Variants in SLC24A5 observed in about 807,000 individuals in gnomAD.
The protein encoded by SLC24A5 is solute carrier family 24 member 5.
SLC24A5 carries 46 observed loss-of-function variants against 51.6 expected under a neutral mutation model. That is an observed-to-expected ratio of 0.89 (90% CI 0.70 to 1.14). The LOEUF (loss-of-function observed/expected upper bound fraction) is 1.14, where lower values mean the gene tolerates loss of function less well. SLC24A5 is among the 50% of genes most tolerant of loss of function. The pLI is 0.00. For synonymous variants in SLC24A5, 230 were observed against 214.9 expected (o/e 1.07, Z -0.62); for missense variants, 581 against 604.1 (o/e 0.96, Z 0.40).
In SLC24A5 at chr15:48,139,025, T is replaced by C. The variant is rs758500889; in HGVS notation, c.928T>C (p.Leu310=). ...EADLKRIFWV[L]SLPIITLLFL... ...AGACTTAAAAAGAATTTTTTGGGTA[T>C]TATCCCTTCCTATTATTACATTACT... Residue 310 remains leucine, a synonymous_variant, in exon 7 of 9, where the codon TTA becomes CTA. Transcript: ENST00000341459. 8.7e-6 allele frequency: 14 copies of C among 1,613,156 alleles called. No homozygotes were observed. The highest frequency in any genetic ancestry group is 1.7e-4 in the Middle Eastern group (1 of 6,054).
At chr15:48,128,590 A>G (rs1323282119) in intron 2 of SLC24A5, among the ~76,000 whole-genome samples, 1 of 152,224 alleles carries the variant, frequency 6.6e-6, no homozygotes, top group African/African-American at 2.4e-5. Flanking sequence ...GATAGCCTAC[A>G]GTTTCAGGGG....
intron 7 of SLC24A5, 90 bp downstream of exon 7, chr15:48,139,265 C>A (rs1044885049): frequency 6.5e-6 from 7 of 1,083,130 alleles, no homozygotes; most frequent in Admixed American, 2.1e-5. Context: ...AGCTACACAG[C>A]AAATTTCTTT....
intron 2 of SLC24A5, chr15:48,122,305 T>A: frequency 1.0e-5 from 6 of 581,886 alleles, no homozygotes; most frequent in Non-Finnish European, 1.8e-5. Flanking sequence ...ACTGCCTGGA[T>A]GTTTGTTATA....
intron 1 of SLC24A5, among the ~76,000 whole-genome samples, chr15:48,121,435 C>T (rs2038678574): frequency 6.6e-6 from 1 of 152,204 alleles, no homozygotes; most frequent in Admixed American, 6.5e-5. Context: ...AATCTTTCAT[C>T]TTAGAAATTC....
chr15:48,136,939 C>T lies in SLC24A5; in HGVS notation c.847C>T (p.His283Tyr). 1 of 1,612,900 alleles carries T rather than the reference C, an allele frequency of 6.2e-7. No homozygotes were observed. The highest frequency in any genetic ancestry group is 8.5e-7 in the Non-Finnish European group (1 of 1,179,096). The change falls in exon 6 of 9, where the codon CAT becomes TAT. Residue 283 changes from histidine to tyrosine, a missense_variant. Physicochemically the swap from His to Tyr is moderately conservative, Grantham distance 83. Coordinates refer to ENST00000341459, the MANE Select transcript of SLC24A5 (RefSeq NM_205850.3). ...SGYSQLSISL[H>Y]GLSQVSEDPP... The stretch of plus-strand genomic sequence containing the variant: ...CTACTCTCAGCTCTCTATAAGTTTA[C>T]ATGGCCTTAGTCAGGTTTCTGAAGG...
In SLC24A5 at chr15:48,126,711, A is replaced by G. The variant is rs372500823; in HGVS notation, c.301+4675A>G. Among the ~76,000 whole-genome samples the G allele has an allele frequency of 2.4e-4, 36 of 152,332 alleles. No homozygotes were observed. In the East Asian group the frequency reaches 6.6e-3, roughly 28 times the overall value. On this transcript the variant is annotated intron_variant, in intron 2 of 8. Transcript: ENST00000341459. ...TGAGGGGTGTGTATGAGAGACAGGA[A>G]GAGAGACAGAGACACAGTGAGAGAG...
intron 4 of SLC24A5, 91 bp from the exon 5 acceptor site, chr15:48,134,793 C>A: frequency 1.9e-6 from 2 of 1,029,346 alleles, no homozygotes; most frequent in Non-Finnish European, 2.9e-6. Context: ...CAATATTTAA[C>A]TACAAATATA....
At chr15:48,129,659 A>T (rs1178750747) in intron 2 of SLC24A5, among the ~76,000 whole-genome samples, 5 of 152,042 alleles carry the variant, frequency 3.3e-5, no homozygotes. Flanking sequence ...TACTATGATA[A>T]AAGTATTCCT....
At chr15:48,121,795 T>C in intron 1 of SLC24A5, 62 bp from the exon 2 acceptor site, 1 of 1,536,602 alleles carries the variant, frequency 6.5e-7, no homozygotes. Context: ...AAGGAAGCTC[T>C]CTGTGGGCTT....
intron 2 of SLC24A5, 63 bp from the exon 3 acceptor site, chr15:48,134,195 T>C (rs1420214639): frequency 7.4e-7 from 1 of 1,344,452 alleles, no homozygotes; most frequent in African/African-American, 1.5e-5. Context: ...ATCTATTGTG[T>C]TTAGTTGTAA....
At chr15:48,123,164 A>T (rs1486295856) in intron 2 of SLC24A5, 8 of 150,560 alleles carry the variant, frequency 5.3e-5, no homozygotes, top group African/African-American at 7.3e-5. Flanking sequence ...GAAAATATAT[A>T]ATATATATAT....
intron 2 of SLC24A5, among the ~76,000 whole-genome samples, chr15:48,131,965 G>C (rs1423902766): frequency 6.6e-6 from 1 of 152,114 alleles, no homozygotes; most frequent in Non-Finnish European, 1.5e-5. Context: ...ATTAATGACT[G>C]GAGCTGGTAT....
intron 2 of SLC24A5, chr15:48,122,522 A>G (rs2038690734): frequency 5.9e-6 from 1 of 170,834 alleles, no homozygotes; most frequent in Non-Finnish European, 1.2e-5. Context: ...CCATTAAGGA[A>G]ATTAATTGAT....
rs1465087333 is a variant in SLC24A5, at chr15:48,134,301, A to G, written c.345A>G (p.Ala115=). 6.2e-7 allele frequency: 1 copy of G among 1,613,692 alleles called. No homozygotes were observed. The highest frequency in any genetic ancestry group is 2.2e-5 in the East Asian group (1 of 44,878). The change falls in exon 3 of 9, where the codon GCA becomes GCG. Residue 115 remains alanine, a synonymous_variant. Coordinates refer to ENST00000341459, the MANE Select transcript of SLC24A5 (RefSeq NM_205850.3). ...ATGTTGCAGGCACAACTTTCATGGC[A>G]GCGGGCAGTTCAGCTCCTGAATTAG... ...SQDVAGTTFM[A]AGSSAPELVT...
intron 7 of SLC24A5, 151 bp downstream of exon 7, chr15:48,139,326 T>C: frequency 1.7e-6 from 1 of 590,940 alleles, no homozygotes; most frequent in Admixed American, 3.0e-5. Context: ...AGTATTACTA[T>C]AACAAGATCA....
At chr15:48,134,128 T>G in intron 2 of SLC24A5, 130 bp from the exon 3 acceptor site, 1 of 754,454 alleles carries the variant, frequency 1.3e-6, no homozygotes, top group Non-Finnish European at 2.2e-6. Context: ...TCTTTTAATC[T>G]GTGTATTTTA....
At chr15:48,133,245 C>T (rs995391132) in intron 2 of SLC24A5, among the ~76,000 whole-genome samples, 3 of 152,126 alleles carry the variant, frequency 2.0e-5, no homozygotes, top group Non-Finnish European at 4.4e-5. Flanking sequence ...GTTCTGACTT[C>T]GATACTAACT....
chr15:48,136,979 T>G lies in SLC24A5; in HGVS notation c.871+16T>G, dbSNP rs752135965. 14 of 1,597,976 alleles carry G rather than the reference T, an allele frequency of 8.8e-6. No homozygotes were observed. The highest frequency in any genetic ancestry group is 1.2e-5 in the Non-Finnish European group (14 of 1,169,950). Reference sequence around the variant, plus strand: ...GTTTCTGAAGGTAATCACTAAATCTTGCCCATTATTAAGTCTATTCGCAAA... The same window carrying G: ...GTTTCTGAAGGTAATCACTAAATCTGGCCCATTATTAAGTCTATTCGCAAA... On this transcript the variant is annotated intron_variant, in intron 6 of 8. Coordinates refer to ENST00000341459, the MANE Select transcript of SLC24A5 (RefSeq NM_205850.3).
intron 2 of SLC24A5, among the ~76,000 whole-genome samples, chr15:48,127,617 G>C (rs944374140): frequency 6.6e-6 from 1 of 152,108 alleles, no homozygotes; most frequent in Admixed American, 6.5e-5. Context: ...CCAGGAGTTC[G>C]AGACCAGCCT....
Sources: gnomAD v4.1 joint callset for allele counts (sites outside exome capture counted in the v4.1 genomes callset) on GRCh38, gnomAD v4.1.1 for gene constraint, MANE v1.5 for transcripts, NCBI Gene and HGNC (gene_info 2026-07-23, HGNC 2026-07-21) for gene names.